Variants in SLC14A1 observed in about 807,000 individuals in gnomAD.
SLC14A1 encodes the protein urea transporter 1.
Under a neutral mutation model 39.6 loss-of-function variants are expected in SLC14A1, and 36 were observed. That is an observed-to-expected ratio of 0.91 (90% CI 0.70 to 1.20). The LOEUF (loss-of-function observed/expected upper bound fraction) is 1.20, where lower values mean the gene tolerates loss of function less well. Among genes scored for constraint, SLC14A1 ranks in the 50% most tolerant of loss-of-function variants. SLC14A1 has a pLI of 0.00. For synonymous variants in SLC14A1, 164 were observed against 173.6 expected, an observed-to-expected ratio of 0.94 and a Z score of 0.43; for missense variants, 469 against 478.7, an observed-to-expected ratio of 0.98 and a Z score of 0.19.
intron 2 of SLC14A1, among the ~76,000 whole-genome samples, chr18:45,725,902 C>T (rs1400818563): frequency 6.6e-6 from 1 of 152,134 alleles, no homozygotes; most frequent in Non-Finnish European, 1.5e-5. Context: ...AAGGGGTTCT[C>T]CAAGGTGTGT....
At chr18:45,726,035 T>G (rs1345108020) in intron 2 of SLC14A1, among the ~76,000 whole-genome samples, 1 of 152,234 alleles carries the variant, frequency 6.6e-6, no homozygotes, top group Non-Finnish European at 1.5e-5. Flanking sequence ...CTTATTTCTT[T>G]GTTTTTAGCT....
Position 45,751,057 on chromosome 18 carries a change from G to T in SLC14A1, c.*1106G>T. On this transcript the variant is annotated 3_prime_UTR_variant, in exon 10 of 10. Coordinates refer to ENST00000321925, the MANE Select transcript of SLC14A1 (RefSeq NM_015865.7). ...ATTTGAACCACCAAAAAGAAATAAA[G>T]GGCTGAGTGCGGTGGCTCACGCCTG... 1 of 982,878 alleles carries T rather than the reference G, an allele frequency of 1.0e-6. No homozygotes were observed. The highest frequency in any genetic ancestry group is 1.2e-6 in the Non-Finnish European group (1 of 827,714). 60.9% of individuals were successfully genotyped at this position (982,878 alleles called of 1,614,324 possible). A position where few individuals can be genotyped will look rare whatever the true frequency, so the allele number is the denominator to read the frequency against.
At chr18:45,734,816 G>A (rs1258682627) in intron 5 of SLC14A1, among the ~76,000 whole-genome samples, 1 of 152,132 alleles carries the variant, frequency 6.6e-6, no homozygotes, top group South Asian at 2.1e-4. Flanking sequence ...GGAGAAGGAG[G>A]AAGAGGAGCA....
At chr18:45,738,561 AT>A (rs1190722985) in intron 6 of SLC14A1, among the ~76,000 whole-genome samples, 1 of 152,228 alleles carries the variant, frequency 6.6e-6, no homozygotes, top group African/African-American at 2.4e-5. Context: ...AGCTAAAAAT[AT>A]CTTTGTTTAA....
intron 5 of SLC14A1, among the ~76,000 whole-genome samples, chr18:45,735,533 A>C (rs1488190258): frequency 6.6e-6 from 1 of 152,194 alleles, no homozygotes; most frequent in Non-Finnish European, 1.5e-5. Flanking sequence ...TCTGGAAACA[A>C]AGATTTCCTT....
chr18:45,740,263 G>A (rs186938981), intron 8 of SLC14A1, among the ~76,000 whole-genome samples: 3 of 152,276 alleles, frequency 2.0e-5, no homozygotes, highest in Non-Finnish European at 2.9e-5. Context: ...AATGTCCCCT[G>A]GTAAATCAGG....
In SLC14A1 at chr18:45,745,120, A is replaced by G. The variant is rs1376847768; in HGVS notation, c.947-3256A>G. On this transcript the variant is annotated intron_variant, in intron 8 of 9. Transcript: ENST00000321925. ...TAGCTGGGCGTGGTAGCACGCGCCT[A>G]TAGTCCCAGCTACTCAGGAGGCTGA... is the stretch of plus-strand genomic sequence containing the variant. 2.0e-5 allele frequency among the ~76,000 whole-genome samples: 3 copies of G among 152,278 alleles called. No individual in the cohort carries two copies. In the East Asian group the frequency reaches 5.8e-4, roughly 29 times the overall value.
At chr18:45,733,963 G>T (rs1203711898) in intron 4 of SLC14A1, among the ~76,000 whole-genome samples, 1 of 152,122 alleles carries the variant, frequency 6.6e-6, no homozygotes, top group East Asian at 1.9e-4. Context: ...AATCTGAGGT[G>T]GAACAGTTTC....
In SLC14A1 at chr18:45,731,173, A is replaced by G. The variant is rs1430780418; in HGVS notation, c.310A>G (p.Thr104Ala). The G allele has an allele frequency of 1.2e-6, 2 of 1,613,876 alleles. No homozygotes were observed. The highest frequency in any genetic ancestry group is 1.7e-6 in the Non-Finnish European group (2 of 1,179,954). The change falls in exon 4 of 10, where the codon ACT (threonine) becomes GCT (alanine). Residue 104 changes from threonine to alanine, a missense_variant. Coordinates refer to ENST00000321925, the MANE Select transcript of SLC14A1 (RefSeq NM_015865.7). ...LTGWLGTVVSTLMALLLSQDR... is the reference protein window; with the variant it reads ...LTGWLGTVVSALMALLLSQDR... ...TGGCTGGCTGGGAACAGTGGTCTCC[A>G]CTCTGATGGCCCTCTTGCTCAGCCA... is the stretch of plus-strand genomic sequence containing the variant.
chr18:45,744,809 A>C (rs775089912), intron 8 of SLC14A1, among the ~76,000 whole-genome samples: 1 of 152,112 alleles, frequency 6.6e-6, no homozygotes, highest in South Asian at 2.1e-4. Context: ...TAAGTTTTTC[A>C]TAACTCTTGA....
In SLC14A1 at chr18:45,730,867, G is replaced by T. The variant is rs1372456431; in HGVS notation, c.152-148G>T. The T allele has an allele frequency of 1.9e-5, 14 of 753,522 alleles. No homozygotes were observed. The Admixed American group carries it at 2.6e-4, about 14-fold the overall frequency. The allele number at this position is 753,522 out of a possible 1,614,324, so 46.7% of individuals were successfully genotyped here. ...TTTCAGGGATCTGGGTGCCACTAAT[G>T]CAACAATGGGTTGAGAGAGAAATAT... On this transcript the variant is annotated intron_variant, in intron 3 of 9. Coordinates refer to ENST00000321925, the MANE Select transcript of SLC14A1 (RefSeq NM_015865.7).
chr18:45,731,217 T>C lies in SLC14A1; in HGVS notation c.341+13T>C, dbSNP rs754777890. 16 of 1,612,560 alleles carry C rather than the reference T, an allele frequency of 9.9e-6. No homozygotes were observed. The highest frequency in any genetic ancestry group is 1.4e-5 in the Non-Finnish European group (16 of 1,179,680). Reference sequence around the variant, plus strand: ...TCAGCCAGGACAGGTAGGTGTACCCTTTCAAGCCTTCTCAGCTCCCTTCTG... The same window carrying C: ...TCAGCCAGGACAGGTAGGTGTACCCCTTCAAGCCTTCTCAGCTCCCTTCTG... On this transcript the variant is annotated intron_variant, in intron 4 of 9. Transcript: ENST00000321925.
At chr18:45,744,479 C>T (rs974902271) in intron 8 of SLC14A1, among the ~76,000 whole-genome samples, 8 of 152,172 alleles carry the variant, frequency 5.3e-5, no homozygotes, top group African/African-American at 1.9e-4. Flanking sequence ...TCAAAGACTA[C>T]TCCATTGTCT....
chr18:45,729,305 T>G (rs1012037249), intron 2 of SLC14A1: 39 of 152,208 alleles, frequency 2.6e-4, no homozygotes, highest in African/African-American at 9.2e-4. Flanking sequence ...GCTTCCTCCC[T>G]CAGCCTGCCT....
intron 6 of SLC14A1, chr18:45,737,490 C>T (rs561448197): frequency 2.6e-5 from 4 of 152,318 alleles, no homozygotes; most frequent in African/African-American, 9.6e-5. Flanking sequence ...CTCCCACTGT[C>T]AGGTTATGAA....
chr18:45,741,593 G>C (rs1468964649), intron 8 of SLC14A1, among the ~76,000 whole-genome samples: 1 of 50,020 alleles, frequency 2.0e-5, no homozygotes, highest in Non-Finnish European at 5.4e-5. Context: ...AGGTTGCTGT[G>C]ATGTAGCCAT....
At chr18:45,737,853 C>T (rs1289195302) in intron 6 of SLC14A1, among the ~76,000 whole-genome samples, 5 of 152,188 alleles carry the variant, frequency 3.3e-5, no homozygotes, top group Non-Finnish European at 7.3e-5. Flanking sequence ...TCCATCATCT[C>T]GGAAAGTTAT....
chr18:45,731,976 G>A (rs1425314759), intron 4 of SLC14A1, among the ~76,000 whole-genome samples: 1 of 152,202 alleles, frequency 6.6e-6, no homozygotes, highest in Non-Finnish European at 1.5e-5. Context: ...GTTAGCAAAT[G>A]CTCCACTTTT....
At chr18:45,738,758 C>G (rs945409685) in intron 6 of SLC14A1, among the ~76,000 whole-genome samples, 1 of 152,152 alleles carries the variant, frequency 6.6e-6, no homozygotes, top group Admixed American at 6.5e-5. Flanking sequence ...ACCCTCAACA[C>G]TGATGGACAT....
Sources: gnomAD v4.1 joint callset for allele counts (sites outside exome capture counted in the v4.1 genomes callset) on GRCh38, gnomAD v4.1.1 for gene constraint, MANE v1.5 for transcripts, NCBI Gene and HGNC (gene_info 2026-07-23, HGNC 2026-07-21) for gene names.